Variants in ANKRD11 observed in about 807,000 individuals in gnomAD.
ANKRD11 encodes the protein ankyrin repeat domain-containing protein 11.
Under a neutral mutation model 195.7 loss-of-function variants are expected in ANKRD11, and 17 were observed. The observed-to-expected ratio is 0.09, with a 90% confidence interval of 0.06 to 0.13. ANKRD11 has a LOEUF of 0.13. ANKRD11 is among the 10% of genes least tolerant of loss of function. The pLI is 1.00. For synonymous variants in ANKRD11, 1,953 were observed against 1,528.1 expected (o/e 1.28, Z -6.49); for missense variants, 3,735 against 3,566.1 (o/e 1.05, Z -1.21).
intron 2 of ANKRD11, among the ~76,000 whole-genome samples, chr16:89,332,135 A>T (rs2038099971): frequency 6.6e-6 from 1 of 152,196 alleles, no homozygotes; most frequent in Non-Finnish European, 1.5e-5. Context: ...ATTAAAAAAA[A>T]AAGATAATAA....
At chr16:89,462,558 C>T (rs2152335284) in intron 1 of ANKRD11, among the ~76,000 whole-genome samples, 1 of 151,620 alleles carries the variant, frequency 6.6e-6, no homozygotes, top group Non-Finnish European at 1.5e-5. Context: ...AGCCCCTCTG[C>T]CTGGCTGCCC....
At chr16:89,275,577 G>T (rs867705496) in intron 9 of ANKRD11, among the ~76,000 whole-genome samples, 4 of 152,158 alleles carry the variant, frequency 2.6e-5, no homozygotes, top group African/African-American at 9.7e-5. Flanking sequence ...TGTGTTCACA[G>T]GGAGGGCCCA....
intron 11 of ANKRD11, chr16:89,272,262 TG>T (rs1387562385): frequency 6.6e-6 from 1 of 152,212 alleles, no homozygotes; most frequent in African/African-American, 2.4e-5. Flanking sequence ...CGCGAGGATG[TG>T]GGGAAAAGGG....
chr16:89,365,243 A>C (rs774947944), intron 2 of ANKRD11, among the ~76,000 whole-genome samples: 36 of 152,180 alleles, frequency 2.4e-4, no homozygotes, highest in Non-Finnish European at 4.9e-4. Flanking sequence ...TTTTGTAGAA[A>C]ACCTCAGATT....
At chr16:89,373,404 G>A (rs1213040905) in intron 2 of ANKRD11, 2 of 152,468 alleles carry the variant, frequency 1.3e-5, no homozygotes, top group Non-Finnish European at 2.9e-5. Flanking sequence ...TCCACCGGGG[G>A]CAACCCCAAC....
At chr16:89,306,290 A>G (rs111878332) in intron 3 of ANKRD11, among the ~76,000 whole-genome samples, 1,324 of 34,632 alleles carry the variant, frequency 0.038, 189 homozygotes, top group South Asian at 0.07. Flanking sequence ...CCGCAGACAC[A>G]CGCCACCTAC....
chr16:89,423,779 C>T (rs2042607325), intron 1 of ANKRD11, among the ~76,000 whole-genome samples: 1 of 152,168 alleles, frequency 6.6e-6, no homozygotes, highest in Non-Finnish European at 1.5e-5. Context: ...GTCCGTTTTC[C>T]AGGCATGATA....
intron 1 of ANKRD11, among the ~76,000 whole-genome samples, chr16:89,428,395 G>A (rs191677793): frequency 2.3e-3 from 352 of 151,798 alleles, no homozygotes; most frequent in Non-Finnish European, 4.0e-3. Context: ...GCGTGGTGGC[G>A]GGCGCCTATA....
intron 2 of ANKRD11, among the ~76,000 whole-genome samples, chr16:89,333,115 T>C (rs2038154202): frequency 6.6e-6 from 1 of 152,206 alleles, no homozygotes; most frequent in South Asian, 2.1e-4. Flanking sequence ...ACAGACTCAG[T>C]GGCCAAGCTC....
chr16:89,478,427 C>T (rs935114376), intron 1 of ANKRD11, among the ~76,000 whole-genome samples: 2 of 152,110 alleles, frequency 1.3e-5, no homozygotes, highest in African/African-American at 4.8e-5. Flanking sequence ...AGCAACCCGA[C>T]GCCTCCACAC....
chr16:89,268,744 G>A (rs2032855916), intron 12 of ANKRD11, 81 bp from the exon 13 acceptor site: 1 of 1,497,972 alleles, frequency 6.7e-7, no homozygotes, highest in Non-Finnish European at 9.1e-7. Flanking sequence ...CTGCCAGCAG[G>A]GCCAAGGGCG....
chr16:89,332,887 T>C (rs1433950268), intron 2 of ANKRD11, among the ~76,000 whole-genome samples: 1 of 152,274 alleles, frequency 6.6e-6, no homozygotes, highest in East Asian at 1.9e-4. Flanking sequence ...AGGGCTGCTT[T>C]GTTTTTTAAC....
intron 2 of ANKRD11, among the ~76,000 whole-genome samples, chr16:89,337,704 T>C (rs1279377245): frequency 1.3e-5 from 2 of 152,100 alleles, no homozygotes; most frequent in Non-Finnish European, 2.9e-5. Flanking sequence ...CCTCCCAAAG[T>C]GCTGGGATTA....
intron 11 of ANKRD11, among the ~76,000 whole-genome samples, chr16:89,273,885 A>AG (rs1179755387): frequency 2.0e-5 from 3 of 152,046 alleles, no homozygotes; most frequent in African/African-American, 7.2e-5. Flanking sequence ...GGTGGCGTCA[A>AG]GGGGGGCACA....
chr16:89,399,342 T>C (rs1191562181), intron 2 of ANKRD11, among the ~76,000 whole-genome samples: 1 of 152,040 alleles, frequency 6.6e-6, no homozygotes, highest in Non-Finnish European at 1.5e-5. Flanking sequence ...AACAGAATAT[T>C]ACCAGGCCCT....
chr16:89,354,673 G>A (rs1307426158), intron 2 of ANKRD11, among the ~76,000 whole-genome samples: 1 of 152,206 alleles, frequency 6.6e-6, no homozygotes, highest in Non-Finnish European at 1.5e-5. Context: ...CCTGAAGTCA[G>A]GAGTTCAAGA....
At chr16:89,389,842 G>A (rs1597248409) in intron 2 of ANKRD11, among the ~76,000 whole-genome samples, 2 of 140,520 alleles carry the variant, frequency 1.4e-5, no homozygotes, top group Non-Finnish European at 3.1e-5. Context: ...ACCGAGTGTG[G>A]CGGGGAGCAC....
At chr16:89,314,567 A>C (rs1252493665) in intron 3 of ANKRD11, among the ~76,000 whole-genome samples, 2 of 152,026 alleles carry the variant, frequency 1.3e-5, no homozygotes, top group African/African-American at 4.8e-5. Flanking sequence ...TACCCTGCCG[A>C]GACTGCCTTC....
At chr16:89,337,632 G>A (rs2038440898) in intron 2 of ANKRD11, among the ~76,000 whole-genome samples, 1 of 151,650 alleles carries the variant, frequency 6.6e-6, no homozygotes, top group Non-Finnish European at 1.5e-5. Flanking sequence ...AGTAGAGATG[G>A]GGTTTCACCG....
Sources: gnomAD v4.1 joint callset for allele counts (sites outside exome capture counted in the v4.1 genomes callset) on GRCh38, gnomAD v4.1.1 for gene constraint, MANE v1.5 for transcripts, NCBI Gene and HGNC (gene_info 2026-07-23, HGNC 2026-07-21) for gene names.